The following PSD4 variants were observed in gnomAD, a reference collection of about 807,000 sequenced individuals.
PSD4 encodes the protein pleckstrin and Sec7 domain containing 4.
A neutral mutation model predicts 112.5 loss-of-function variants in PSD4; 59 were observed. The observed-to-expected ratio is 0.52, with a 90% CI of 0.43 to 0.65. The LOEUF (loss-of-function observed/expected upper bound fraction) is 0.65. PSD4 is among the 30% of genes least tolerant of loss of function. The probability of loss-of-function intolerance (pLI) is 0.00; values close to 1 mark genes in which losing one functional copy is unlikely to be tolerated. For missense variants in PSD4, 1,267 were observed against 1,352.6 expected (o/e 0.94, Z 0.99); for synonymous variants, 533 against 540.0 (o/e 0.99, Z 0.18).
Position 113,197,883 on chromosome 2 carries a change from C to G in PSD4, c.2594C>G (p.Ala865Gly). The change falls in exon 14 of 17, where the codon GCT becomes GGT. Residue 865 changes from alanine to glycine, a missense_variant. Around this residue, in one of 2 missense-constraint regions of PSD4, gnomAD observed 544 missense variants for 648.6 expected, o/e 0.84. Transcript: ENST00000245796. ...CCGCACGTCTTCCAGCTGCGCACGG[C>G]TGACTGGCGCCTCTACCTCTTCCAG... is the stretch of plus-strand genomic sequence containing the variant. ...KKPHVFQLRT[A>G]DWRLYLFQAP... 1 of 1,597,544 alleles carries G rather than the reference C, an allele frequency of 6.3e-7. No homozygotes were observed. Among genetic ancestry groups the G allele is most frequent in the Non-Finnish European group, 8.6e-7 (1 of 1,168,864 alleles).
rs1430803766 is a variant in PSD4 at position 113,197,891 on chromosome 2, C to T, written c.2602C>T (p.Arg868Cys). The T allele has an allele frequency of 2.5e-6, 4 of 1,593,114 alleles. No individual in the cohort carries two copies. The highest frequency in any genetic ancestry group is 3.4e-5 in the Admixed American group (2 of 59,242). ...HVFQLRTADW[R>C]LYLFQAPTAK... ...CTTCCAGCTGCGCACGGCTGACTGG[C>T]GCCTCTACCTCTTCCAGGCACCGTA... The change falls in exon 14 of 17, where the codon CGC becomes TGC. Residue 868 changes from arginine (R) to cysteine (C), a missense_variant. This residue lies in a region of PSD4 where 544 missense variants were observed against 648.6 expected (regional missense o/e 0.84). Coordinates refer to ENST00000245796, the MANE Select transcript of PSD4 (RefSeq NM_012455.3).
rs139980231 is a variant in PSD4 at position 113,204,043 on chromosome 2, C to G, written c.*2628C>G. ...CATAGTCAATGCTGCCCAGGCACCT[C>G]TGCCTGGAGGGTCTGGGTTGTGGGC... On this transcript the variant is annotated 3_prime_UTR_variant, in exon 17 of 17. Coordinates refer to ENST00000245796, the MANE Select transcript of PSD4 (RefSeq NM_012455.3). The G allele has an allele frequency of 2.0e-5, 3 of 152,382 alleles. No individual in the cohort carries two copies. The East Asian group carries it at 5.8e-4, about 29-fold the overall frequency. The allele number at this position is 152,382 out of a possible 1,614,324, so 9.4% of individuals were successfully genotyped here.
chr2:113,195,969 G>A (rs1232163271), intron 11 of PSD4, among the ~76,000 whole-genome samples, 178 bp from the exon 12 acceptor site: 4 of 152,154 alleles, frequency 2.6e-5, no homozygotes, highest in Admixed American at 2.6e-4. Flanking sequence ...AGTGGGGCGT[G>A]GGGTATGGCA....
intron 3 of PSD4, 21 bp downstream of exon 3, chr2:113,185,094 G>A: frequency 6.8e-6 from 11 of 1,613,890 alleles, no homozygotes; most frequent in Non-Finnish European, 9.3e-6. Context: ...TCCCCTTTCT[G>A]GGCCTTACTT....
intron 12 of PSD4, among the ~76,000 whole-genome samples, chr2:113,196,995 A>G (rs1369373945): frequency 1.3e-5 from 2 of 152,260 alleles, no homozygotes; most frequent in Non-Finnish European, 2.9e-5. Flanking sequence ...GGGAACTAGC[A>G]TTGGCTGTGA....
chr2:113,199,356 G>A lies in PSD4; in HGVS notation c.2913+130G>A, dbSNP rs1198408371. On this transcript the variant is annotated intron_variant, in intron 16 of 16. Transcript: ENST00000245796. ...GGGAGAGGCGCTTGCGTGCGGGCGGGGCCCGCGTGCGCCGTCTGCAAAGGG... is the reference window on the plus strand; with the variant it reads ...GGGAGAGGCGCTTGCGTGCGGGCGGAGCCCGCGTGCGCCGTCTGCAAAGGG... The A allele has an allele frequency of 4.3e-6, 5 of 1,166,298 alleles. No homozygotes were observed. In the Admixed American group the frequency reaches 1.7e-4, roughly 40 times the overall value. The allele number at this position is 1,166,298 out of a possible 1,614,324, so 72.2% of individuals were successfully genotyped here.
At chr2:113,182,098 C>T (rs1688151205) in intron 1 of PSD4, among the ~76,000 whole-genome samples, 1 of 152,246 alleles carries the variant, frequency 6.6e-6, no homozygotes, top group African/African-American at 2.4e-5. Context: ...AGCTAAGCCA[C>T]ATGGGCTACC....
Position 113,201,452 on chromosome 2 carries a change from A to G in PSD4, c.*37A>G, listed in dbSNP as rs1183010021. 2.5e-6 allele frequency: 4 copies of G among 1,606,078 alleles called. No individual in the cohort carries two copies. Among genetic ancestry groups the G allele is most frequent in the Non-Finnish European group, 3.4e-6 (4 of 1,176,286 alleles). ...CCTCAGAGACACTGTTCCCTGCTCC[A>G]GGGTAGACCTGAGATGAACCTCCCT... On this transcript the variant is annotated 3_prime_UTR_variant, in exon 17 of 17. Transcript: ENST00000245796.
At chr2:113,195,585 T>C in intron 10 of PSD4, 142 bp from the exon 11 acceptor site, 1 of 717,874 alleles carries the variant, frequency 1.4e-6, no homozygotes, top group Non-Finnish European at 2.4e-6. Flanking sequence ...GGATGCTTGC[T>C]TACTCAAGGA....
At chr2:113,185,740 G>T in intron 4 of PSD4, 137 bp from the exon 5 acceptor site, 1 of 1,549,688 alleles carries the variant, frequency 6.5e-7, no homozygotes, top group Non-Finnish European at 8.7e-7. Context: ...AGTGGGAGAG[G>T]TCACTGCCCG....
In PSD4 at chr2:113,183,358, A is replaced by G. The variant is rs1688204758; in HGVS notation, c.902A>G (p.Glu301Gly). ...LPEDTVLWEL[E>G]SEPDLGDGAA... ...GAAGACACAGTGCTGTGGGAGCTGGAAAGTGAGCCAGATTTGGGGGACGGC... is the reference window on the plus strand; with the variant it reads ...GAAGACACAGTGCTGTGGGAGCTGGGAAGTGAGCCAGATTTGGGGGACGGC... The change falls in exon 2 of 17, where the codon GAA becomes GGA. Residue 301 changes from glutamate to glycine, a missense_variant. This residue lies in a region of PSD4 where 723 missense variants were observed against 704.0 expected (regional missense o/e 1.03). Coordinates refer to ENST00000245796, the MANE Select transcript of PSD4 (RefSeq NM_012455.3). 1.3e-6 allele frequency: 2 copies of G among 1,587,530 alleles called. No homozygotes were observed. The highest frequency in any genetic ancestry group is 8.6e-7 in the Non-Finnish European group (1 of 1,165,890).
chr2:113,196,372 C>A, intron 12 of PSD4, 65 bp downstream of exon 12: 1 of 1,536,938 alleles, frequency 6.5e-7, no homozygotes, highest in South Asian at 1.2e-5. Context: ...GGACCTGTGC[C>A]GATGCATGCA....
Position 113,201,317 on chromosome 2 carries a change from C to A in PSD4, c.3073C>A (p.Gln1025Lys). 2 of 1,614,202 alleles carry A rather than the reference C, an allele frequency of 1.2e-6. No homozygotes were observed. The highest frequency in any genetic ancestry group is 1.7e-6 in the Non-Finnish European group (2 of 1,180,028). ...KKSHSSPSLH[Q>K]DEAPTTAKVK... ...GTCCCACTCGAGCCCGTCCCTGCAC[C>A]AGGATGAGGCTCCCACCACGGCCAA... is the stretch of plus-strand genomic sequence containing the variant. Residue 1025 changes from glutamine (Q) to lysine (K), a missense_variant, in exon 17 of 17, where the codon CAG (glutamine) becomes AAG (lysine). Physicochemically the swap from Gln to Lys is moderately conservative, Grantham distance 53. Coordinates refer to ENST00000245796, the MANE Select transcript of PSD4 (RefSeq NM_012455.3).
At chr2:113,181,011 A>G (rs1313748422) in intron 1 of PSD4, among the ~76,000 whole-genome samples, 1 of 151,686 alleles carries the variant, frequency 6.6e-6, no homozygotes, top group Admixed American at 6.6e-5. Context: ...TGAGGTCAGG[A>G]GTTCGAGACT....
chr2:113,194,436 C>T (rs1030187450), intron 10 of PSD4, among the ~76,000 whole-genome samples: 6 of 152,218 alleles, frequency 3.9e-5, no homozygotes, highest in Non-Finnish European at 7.3e-5. Context: ...GTGCTCAGCA[C>T]GGTGCTTGGC....
chr2:113,209,295 T>C lies in PSD4; in HGVS notation c.*7880T>C, dbSNP rs892272166. On this transcript the variant is annotated 3_prime_UTR_variant, in exon 17 of 17. Transcript: ENST00000245796. ...TGCTTTATTTTTTATTGCATTTTAC[T>C]AATTTATGGCATGCATATCATATGA... The C allele has an allele frequency of 2.0e-5, 3 of 152,190 alleles. No homozygotes were observed. The highest frequency in any genetic ancestry group is 4.4e-5 in the Non-Finnish European group (3 of 68,034). The allele number at this position is 152,190 out of a possible 1,614,324, so 9.4% of individuals were successfully genotyped here.
rs1365965471 is a variant in PSD4, at chr2:113,195,726, G to C, written c.2182-1G>C. Reference sequence around the variant, plus strand: ...TGCCCACCTGTGTGCTTCTGTTCCAGGCCCTCTACTGGTCTATCCGCAGCG... The same window carrying C: ...TGCCCACCTGTGTGCTTCTGTTCCACGCCCTCTACTGGTCTATCCGCAGCG... On this transcript the variant is annotated splice_acceptor_variant, in intron 10 of 16. Transcript: ENST00000245796. LOFTEE classifies it high-confidence loss of function. 1 of 1,614,190 alleles carries C rather than the reference G, an allele frequency of 6.2e-7. No individual in the cohort carries two copies. The highest frequency in any genetic ancestry group is 1.1e-5 in the South Asian group (1 of 91,082).
At position 113,192,372 on chromosome 2, in the gene PSD4, A is replaced by G; in HGVS notation, c.1629-8A>G. Reference sequence around the variant, plus strand: ...CTTGACCCAGAGCTCCTGCATGTCTATCTCAAGTGAGAATCTGAGGACACC... The same window carrying G: ...CTTGACCCAGAGCTCCTGCATGTCTGTCTCAAGTGAGAATCTGAGGACACC... On this transcript the variant is annotated splice_region_variant and splice_polypyrimidine_tract_variant and intron_variant, in intron 5 of 16. Coordinates refer to ENST00000245796, the MANE Select transcript of PSD4 (RefSeq NM_012455.3). The G allele has an allele frequency of 2.5e-6, 4 of 1,613,556 alleles. No individual in the cohort carries two copies. Among genetic ancestry groups the G allele is most frequent in the Non-Finnish European group, 3.4e-6 (4 of 1,179,488 alleles).
At chr2:113,178,642 C>T (rs934514175) in intron 1 of PSD4, among the ~76,000 whole-genome samples, 1 of 151,946 alleles carries the variant, frequency 6.6e-6, no homozygotes, top group South Asian at 2.1e-4. Flanking sequence ...TCTAGCAGGC[C>T]CAGCCCCGCA....
Sources: allele counts gnomAD v4.1 joint callset (sites outside exome capture counted in the v4.1 genomes callset), GRCh38; gene constraint gnomAD v4.1.1; regional missense constraint gnomAD v4.1.1; transcripts MANE v1.5; gene names NCBI Gene and HGNC (gene_info 2026-07-23, HGNC 2026-07-21).